MROH9: variants seen among roughly 807,000 people sequenced by gnomAD.
MROH9 encodes the protein maestro heat like repeat family member 9, also known as maestro heat-like repeat-containing protein family member 9.
A neutral mutation model predicts 98.2 loss-of-function variants in MROH9; 92 were observed. The ratio of observed to expected loss-of-function variants is 0.94; its 90% confidence interval spans 0.79 to 1.11. MROH9 has a LOEUF of 1.11. Among genes scored for constraint, MROH9 ranks in the 50% most tolerant of loss-of-function variants. MROH9 has a pLI of 0.00. For missense variants in MROH9, 1,057 were observed against 1,014.8 expected, an observed-to-expected ratio of 1.04 and a Z score of -0.57; for synonymous variants, 397 against 368.9, an observed-to-expected ratio of 1.08 and a Z score of -0.87.
rs1031290068 is a variant in MROH9, at chr1:171,056,881, T to C, written c.2282-5251T>C. Among the ~76,000 whole-genome samples, 3 of 152,226 alleles carry C rather than the reference T, an allele frequency of 2.0e-5. No individual in the cohort carries two copies. The Middle Eastern group carries it at 0.01, about 518-fold the overall frequency. ...GCAGCAGCCCTACAGAAAAGGGACC[T>C]GACCATTGAAAGAAAAACAAACAAA... On this transcript the variant is annotated intron_variant, in intron 20 of 21. Transcript: ENST00000367759.
chr1:170,958,669 T>C, intron 4 of MROH9, 129 bp downstream of exon 4: 1 of 595,586 alleles, frequency 1.7e-6, no homozygotes, highest in Non-Finnish European at 3.0e-6. Flanking sequence ...TGGTGACTAC[T>C]ATTTCTTTCT....
intron 15 of MROH9, among the ~76,000 whole-genome samples, chr1:171,006,831 T>A (rs1553217249): frequency 2.0e-5 from 3 of 146,490 alleles, no homozygotes; most frequent in Admixed American, 6.8e-5. Context: ...ATTTTTTTTT[T>A]AATTAAGTGT....
intron 3 of MROH9, among the ~76,000 whole-genome samples, chr1:170,956,595 G>GTTTTTTTTTTTTTTTTTTTT: frequency 9.6e-6 from 1 of 104,608 alleles, no homozygotes; most frequent in Non-Finnish European, 1.9e-5. Flanking sequence ...TTTTTTTTTT[G>GTTTTTTTTTTTTTTTTTTTT]TTTTTTTTTT....
chr1:171,056,730 G>C (rs1215392123), intron 20 of MROH9, among the ~76,000 whole-genome samples: 1 of 152,128 alleles, frequency 6.6e-6, no homozygotes, highest in Non-Finnish European at 1.5e-5. Flanking sequence ...CTGGCATCAG[G>C]TCAGTGCCCC....
At chr1:171,021,689 G>A (rs553909948) in intron 17 of MROH9, among the ~76,000 whole-genome samples, 5 of 151,972 alleles carry the variant, frequency 3.3e-5, no homozygotes, top group African/African-American at 4.8e-5. Flanking sequence ...GGACATAGGC[G>A]TGGGCAAAGA....
chr1:171,022,407 C>T (rs1367918202), intron 17 of MROH9, among the ~76,000 whole-genome samples: 1 of 152,140 alleles, frequency 6.6e-6, no homozygotes, highest in Admixed American at 6.5e-5. Context: ...CCGTGGACTA[C>T]TATGCAGCCA....
intron 20 of MROH9, among the ~76,000 whole-genome samples, chr1:171,030,798 G>A (rs1265373265): frequency 6.6e-6 from 1 of 152,006 alleles, no homozygotes; most frequent in Non-Finnish European, 1.5e-5. Context: ...TATGTCTATT[G>A]GGCCCATTTG....
intron 3 of MROH9, among the ~76,000 whole-genome samples, chr1:170,951,984 A>C (rs1317402673): frequency 6.6e-6 from 1 of 151,318 alleles, no homozygotes; most frequent in Non-Finnish European, 1.5e-5. Flanking sequence ...ATGCAGCCAA[A>C]AGACACATGA....
chr1:170,959,748 T>G, intron 5 of MROH9, 151 bp downstream of exon 5: 2 of 568,572 alleles, frequency 3.5e-6, no homozygotes, highest in Non-Finnish European at 5.6e-6. Flanking sequence ...ACCACTGGAC[T>G]CCTTGTGAGT....
chr1:171,027,649 G>A lies in MROH9; in HGVS notation c.2281+2229G>A, dbSNP rs187992105. On this transcript the variant is annotated intron_variant, in intron 20 of 21. Transcript: ENST00000367759. ...TGTCATACTGTATTCCACAATGGTT[G>A]AAATAATTTACATTCCCACCAACAG... Among the ~76,000 whole-genome samples, 146 of 152,334 alleles carry A rather than the reference G, an allele frequency of 9.6e-4. 1 individual carries two copies. The highest frequency in any genetic ancestry group is 3.2e-3 in the African/African-American group (132 of 41,574).
intron 15 of MROH9, among the ~76,000 whole-genome samples, chr1:171,001,933 C>A (rs1354457019): frequency 6.6e-6 from 1 of 152,084 alleles, no homozygotes; most frequent in Non-Finnish European, 1.5e-5. Context: ...GTATTAGGTG[C>A]AAATATGTTT....
At chr1:171,027,583 C>T (rs1365850598) in intron 20 of MROH9, among the ~76,000 whole-genome samples, 1 of 152,118 alleles carries the variant, frequency 6.6e-6, no homozygotes, top group African/African-American at 2.4e-5. Flanking sequence ...AAAGGGATTG[C>T]TGGGTTAAAT....
intron 14 of MROH9, 130 bp from the exon 15 acceptor site, chr1:170,998,024 T>G: frequency 1.5e-6 from 1 of 687,068 alleles, no homozygotes; most frequent in Non-Finnish European, 2.4e-6. Flanking sequence ...GTGGGACAAT[T>G]TATTTAGGGA....
chr1:170,980,999 G>A (rs1033113292), intron 8 of MROH9, among the ~76,000 whole-genome samples: 20 of 152,084 alleles, frequency 1.3e-4, no homozygotes, highest in African/African-American at 4.6e-4. Flanking sequence ...CATTTACATG[G>A]CCAACAAACA....
chr1:171,006,719 T>C lies in MROH9; in HGVS notation c.1597-7398T>C, dbSNP rs1311021987. On this transcript the variant is annotated intron_variant, in intron 15 of 21. Transcript: ENST00000367759. The stretch of plus-strand genomic sequence containing the variant: ...ATTTCAAATGACTTGTCTTCAAGTT[T>C]GCTAATTCTTTCTTGTGTGTGATCA... 2.6e-5 allele frequency among the ~76,000 whole-genome samples: 4 copies of C among 152,038 alleles called. No homozygotes were observed. In the East Asian group the frequency reaches 5.8e-4, roughly 22 times the overall value.
At chr1:171,042,006 CTA>C (rs1023988713) in intron 20 of MROH9, among the ~76,000 whole-genome samples, 14 of 151,938 alleles carry the variant, frequency 9.2e-5, no homozygotes, top group Non-Finnish European at 1.8e-4. Flanking sequence ...TCCAATCACA[CTA>C]TTTTAAAATG....
chr1:171,040,829 C>T (rs1161540959), intron 20 of MROH9, among the ~76,000 whole-genome samples: 1 of 151,900 alleles, frequency 6.6e-6, no homozygotes, highest in East Asian at 1.9e-4. Context: ...TATTGTTTAG[C>T]TTTTTTAATT....
chr1:171,016,189 A>T lies in MROH9; in HGVS notation c.1761A>T (p.Ile587=). ...CAGAAAATGTCAGCAGTATATTAATAGCCATCCTGGATGCCTTCCTTTCCA... is the reference window on the plus strand; with the variant it reads ...CAGAAAATGTCAGCAGTATATTAATTGCCATCCTGGATGCCTTCCTTTCCA... The part of the protein sequence containing the change: ...NKTENVSSIL[I]AILDAFLSKD... Residue 587 remains isoleucine, a synonymous_variant, in exon 17 of 22, where the codon ATA becomes ATT. Coordinates refer to ENST00000367759, the MANE Select transcript of MROH9 (RefSeq NM_001163629.2). 6.5e-7 allele frequency: 1 copy of T among 1,528,254 alleles called. No homozygotes were observed. The highest frequency in any genetic ancestry group is 8.8e-7 in the Non-Finnish European group (1 of 1,137,288). The allele number at this position is 1,528,254 out of a possible 1,614,324, so 94.7% of individuals were successfully genotyped here.
intron 3 of MROH9, among the ~76,000 whole-genome samples, chr1:170,953,162 C>G (rs1649621209): frequency 6.6e-6 from 1 of 152,024 alleles, no homozygotes; most frequent in Non-Finnish European, 1.5e-5. Flanking sequence ...TTTCTTTCTA[C>G]TTATTTGAAT....
Sources: gnomAD v4.1 joint callset for allele counts (sites outside exome capture counted in the v4.1 genomes callset) on GRCh38, gnomAD v4.1.1 for gene constraint, MANE v1.5 for transcripts, NCBI Gene and HGNC (gene_info 2026-07-23, HGNC 2026-07-21) for gene names.